ZBTB38: variants seen among roughly 807,000 people sequenced by gnomAD.
The protein encoded by ZBTB38 is zinc finger and BTB domain-containing protein 38.
Under a neutral mutation model 76.8 loss-of-function variants are expected in ZBTB38, and 20 were observed. The ratio of observed to expected loss-of-function variants is 0.26; its 90% confidence interval spans 0.18 to 0.38. The LOEUF is 0.38. ZBTB38 is among the 10% of genes least tolerant of loss of function. The pLI is 1.00. For synonymous variants in ZBTB38, 504 were observed against 544.2 expected (o/e 0.93, Z 1.03); for missense variants, 1,082 against 1,482.3 (o/e 0.73, Z 4.43).
chr3:141,426,052 C>G (rs948286343), intron 5 of ZBTB38: 1 of 1,015,230 alleles, frequency 9.8e-7, no homozygotes, highest in Non-Finnish European at 1.4e-6. Flanking sequence ...TTCCTCCTGT[C>G]AAATGATGTC....
At chr3:141,432,161 G>C in intron 5 of ZBTB38, 1 of 985,506 alleles carries the variant, frequency 1.0e-6, no homozygotes, top group Non-Finnish European at 1.2e-6. Context: ...GGGAATAACA[G>C]ACCTGCGCAG....
In ZBTB38 at chr3:141,448,690, G is replaced by T. The variant is rs2081278828; in HGVS notation, c.*2714G>T. On this transcript the variant is annotated 3_prime_UTR_variant, in exon 6 of 6. Transcript: ENST00000321464. ...AATTTGTTTTTGCTTGATTAAAATA[G>T]CTTATTCCTACATTAAGTCTCTTTT... is the stretch of plus-strand genomic sequence containing the variant. 6.6e-6 allele frequency: 1 copy of T among 152,148 alleles called. No individual in the cohort carries two copies. Among genetic ancestry groups the T allele is most frequent in the Admixed American group, 6.5e-5 (1 of 15,276 alleles). The allele number at this position is 152,148 out of a possible 1,614,324, so 9.4% of individuals were successfully genotyped here.
intron 4 of ZBTB38, chr3:141,403,099 C>T (rs1029180238): frequency 1.3e-5 from 2 of 152,192 alleles, no homozygotes; most frequent in African/African-American, 4.8e-5. Context: ...TCATAAATCA[C>T]CTGAGATTTT....
At chr3:141,354,634 C>T (rs1381130846) in intron 1 of ZBTB38, among the ~76,000 whole-genome samples, 1 of 152,134 alleles carries the variant, frequency 6.6e-6, no homozygotes, top group Admixed American at 6.5e-5. Context: ...ACAGCCCCAC[C>T]TCGGGATTCA....
Position 141,447,431 on chromosome 3 carries a change from C to T in ZBTB38, c.*1455C>T, listed in dbSNP as rs576851534. 2.6e-5 allele frequency: 4 copies of T among 152,578 alleles called. No homozygotes were observed. In the South Asian group the frequency reaches 8.3e-4, roughly 32 times the overall value. The allele number at this position is 152,578 out of a possible 1,614,324, so 9.5% of individuals were successfully genotyped here. A position where few individuals can be genotyped will look rare whatever the true frequency, so the allele number is the denominator to read the frequency against. ...TATGTTCTTTGACCCACACCATCAACACTACCCTCAAATCTAATTGCCCTA... is the reference window on the plus strand; with the variant it reads ...TATGTTCTTTGACCCACACCATCAATACTACCCTCAAATCTAATTGCCCTA... On this transcript the variant is annotated 3_prime_UTR_variant, in exon 6 of 6. Coordinates refer to ENST00000321464, the MANE Select transcript of ZBTB38 (RefSeq NM_001376113.1).
chr3:141,326,914 A>G (rs527838581), intron 1 of ZBTB38, among the ~76,000 whole-genome samples: 1 of 152,100 alleles, frequency 6.6e-6, no homozygotes, highest in Middle Eastern at 3.4e-3. Flanking sequence ...TGCCAGATGG[A>G]CCCCTGGACA....
intron 1 of ZBTB38, among the ~76,000 whole-genome samples, chr3:141,334,226 G>GA (rs11368864): frequency 0.99 from 144,505 of 146,488 alleles, 71,284 homozygotes; most frequent in East Asian, 1. Flanking sequence ...GTATTTAAAA[G>GA]AAAAAAAAAA....
intron 5 of ZBTB38, among the ~76,000 whole-genome samples, chr3:141,422,440 G>A (rs531292257): frequency 4.6e-5 from 7 of 152,246 alleles, no homozygotes; most frequent in Non-Finnish European, 8.8e-5. Flanking sequence ...CCAGGATGAA[G>A]CTGTGAAGGG....
chr3:141,347,190 T>C (rs2148923500), intron 1 of ZBTB38, among the ~76,000 whole-genome samples: 1 of 152,338 alleles, frequency 6.6e-6, no homozygotes, highest in East Asian at 1.9e-4. Flanking sequence ...CATCTTAGAC[T>C]CTATGCTCCT....
chr3:141,405,694 G>C (rs898957999), intron 5 of ZBTB38: 1 of 152,230 alleles, frequency 6.6e-6, no homozygotes, highest in African/African-American at 2.4e-5. Context: ...CGAATGAGAT[G>C]TTGAATGTGA....
chr3:141,338,416 C>T (rs1010751395), intron 1 of ZBTB38, among the ~76,000 whole-genome samples: 9 of 152,156 alleles, frequency 5.9e-5, no homozygotes, highest in African/African-American at 1.2e-4. Flanking sequence ...AGTGGTGGAC[C>T]GGATAAAGAA....
chr3:141,415,333 C>A (rs2073740870), intron 5 of ZBTB38, among the ~76,000 whole-genome samples: 2 of 152,130 alleles, frequency 1.3e-5, no homozygotes, highest in South Asian at 4.1e-4. Flanking sequence ...GGGCTGGACT[C>A]TAGGGGGGCC....
intron 5 of ZBTB38, among the ~76,000 whole-genome samples, chr3:141,430,628 C>T (rs1446708821): frequency 6.6e-6 from 1 of 152,102 alleles, no homozygotes; most frequent in Non-Finnish European, 1.5e-5. Context: ...GCAGGAGAAC[C>T]CAGAAACCCA....
At chr3:141,346,779 G>GT (rs1553760842) in intron 1 of ZBTB38, among the ~76,000 whole-genome samples, 1 of 85,584 alleles carries the variant, frequency 1.2e-5, no homozygotes, top group Non-Finnish European at 2.0e-5. Flanking sequence ...TTTTTGTTTT[G>GT]TTTTGTGTGT....
chr3:141,403,879 A>G (rs1487206214), intron 4 of ZBTB38, 48 bp from the exon 5 acceptor site: 1 of 152,230 alleles, frequency 6.6e-6, no homozygotes, highest in Non-Finnish European at 1.5e-5. Flanking sequence ...TAAAAGATGA[A>G]ATCCTAGCAG....
chr3:141,380,669 C>T lies in ZBTB38; in HGVS notation c.-234-756C>T, dbSNP rs143515142. Among the ~76,000 whole-genome samples, 195 of 152,238 alleles carry T rather than the reference C, an allele frequency of 1.3e-3. 2 individuals are homozygous for T. The East Asian group carries it at 0.025, about 20-fold the overall frequency. Reference sequence around the variant, plus strand: ...GATCTTGCAGGAAGCAAGCCAGAGACGTGGGCTTAGGTAGATAATTCAATA... The same window carrying T: ...GATCTTGCAGGAAGCAAGCCAGAGATGTGGGCTTAGGTAGATAATTCAATA... On this transcript the variant is annotated intron_variant, in intron 2 of 5. Transcript: ENST00000321464.
At chr3:141,337,787 CT>C (rs1284449992) in intron 1 of ZBTB38, among the ~76,000 whole-genome samples, 1 of 152,108 alleles carries the variant, frequency 6.6e-6, no homozygotes, top group African/African-American at 2.4e-5. Flanking sequence ...CACAACAGTC[CT>C]TTGCAGGAGG....
At chr3:141,371,283 C>A (rs1275559666) in intron 2 of ZBTB38, among the ~76,000 whole-genome samples, 2 of 151,818 alleles carry the variant, frequency 1.3e-5, no homozygotes, top group African/African-American at 2.4e-5. Flanking sequence ...CATCTCTTGA[C>A]CTCGTGATCT....
Position 141,444,733 on chromosome 3 carries a change from C to G in ZBTB38, c.2345C>G (p.Ser782Ter). The change falls in exon 6 of 6, where the codon TCA becomes TGA. Residue 782 changes from serine (S) to a stop codon, truncating the protein, a stop_gained. Coordinates refer to ENST00000321464, the MANE Select transcript of ZBTB38 (RefSeq NM_001376113.1). LOFTEE classifies it high-confidence loss of function. The surrounding 1 kb of genome is among the most constrained non-coding windows in gnomAD (Gnocchi z 5.1). ...ATTAAGGAGAAAAAGAAAACTACAT[C>G]ACATACCAGGGGAGAAATACCGGAG... ...KSIKEKKKTT[S>*]HTRGEIPEES... is the part of the protein sequence containing the mutation. 6.2e-7 allele frequency: 1 copy of G among 1,614,132 alleles called. No individual in the cohort carries two copies. Among genetic ancestry groups the G allele is most frequent in the Non-Finnish European group, 8.5e-7 (1 of 1,180,032 alleles).
Sources: allele counts gnomAD v4.1 joint callset (sites outside exome capture counted in the v4.1 genomes callset), GRCh38; gene constraint gnomAD v4.1.1; non-coding constraint Gnocchi (gnomAD v3.1); transcripts MANE v1.5; gene names NCBI Gene and HGNC (gene_info 2026-07-23, HGNC 2026-07-21).